The following STARD13 variants were observed in gnomAD, a reference collection of about 807,000 sequenced individuals.
STARD13 encodes the protein stAR-related lipid transfer protein 13.
In STARD13, 62 loss-of-function variants were observed where a neutral mutation model predicts 106.4. The ratio of observed to expected loss-of-function variants is 0.58; its 90% CI spans 0.48 to 0.72. The LOEUF (loss-of-function observed/expected upper bound fraction) is 0.72. Among genes scored for constraint, STARD13 ranks in the 30% least tolerant of loss-of-function variants. The probability of loss-of-function intolerance (pLI) is 0.00; values close to 1 mark genes in which losing one functional copy is unlikely to be tolerated. For missense variants in STARD13, 1,387 were observed against 1,424.0 expected (o/e 0.97, Z 0.42); for synonymous variants, 565 against 553.0 (o/e 1.02, Z -0.31).
At chr13:33,234,526 T>C (rs902601286) in intron 1 of STARD13, among the ~76,000 whole-genome samples, 3 of 152,228 alleles carry the variant, frequency 2.0e-5, no homozygotes, top group African/African-American at 4.8e-5. Flanking sequence ...TCAATGTTCA[T>C]CCACCTTACA....
chr13:33,220,349 T>G (rs1888287187), intron 1 of STARD13, among the ~76,000 whole-genome samples: 1 of 152,214 alleles, frequency 6.6e-6, no homozygotes, highest in Non-Finnish European at 1.5e-5. Context: ...ATCAGCTGGT[T>G]GTAGACAATG....
At chr13:33,626,523 T>C in the STARD13 span, among the ~76,000 whole-genome samples, 2 of 152,124 alleles carry the variant, frequency 1.3e-5, no homozygotes, top group Admixed American at 6.5e-5. Context: ...ACCAAATCAA[T>C]AAAAATGAGC....
intron 1 of STARD13, among the ~76,000 whole-genome samples, chr13:33,219,516 CTCAAAA>C (rs1888225250): frequency 1.2e-5 from 1 of 81,482 alleles, no homozygotes. Flanking sequence ...GAGACTCCTT[CTCAAAA>C]AAAAAAAAAA....
chr13:33,477,795 T>G, the STARD13 span, among the ~76,000 whole-genome samples: 5 of 150,970 alleles, frequency 3.3e-5, no homozygotes, highest in Non-Finnish European at 7.4e-5. Flanking sequence ...AATTATCCAA[T>G]AGAATTTATG....
chr13:33,473,105 A>C, the STARD13 span, among the ~76,000 whole-genome samples: 1 of 152,226 alleles, frequency 6.6e-6, no homozygotes, highest in Non-Finnish European at 1.5e-5. Context: ...TTGTTGATTC[A>C]TCATTTATCA....
intron 1 of STARD13, among the ~76,000 whole-genome samples, chr13:33,264,028 T>C (rs1316324818): frequency 6.6e-6 from 1 of 152,116 alleles, no homozygotes; most frequent in African/African-American, 2.4e-5. Context: ...GCAGTCTCCA[T>C]GTGGGGAAGA....
chr13:33,621,680 C>CAAAA, the STARD13 span, among the ~76,000 whole-genome samples: 1 of 82,328 alleles, frequency 1.2e-5, no homozygotes, highest in African/African-American at 4.8e-5. Context: ...ACTCAGTCTC[C>CAAAA]AAAAAAAAAA....
At chr13:33,295,506 C>T (rs528060407) in intron 1 of STARD13, among the ~76,000 whole-genome samples, 40 of 152,316 alleles carry the variant, frequency 2.6e-4, no homozygotes, top group Admixed American at 8.5e-4. Context: ...ACTCACCTTA[C>T]CATTTCCTTT....
chr13:33,408,536 T>C, the STARD13 span, among the ~76,000 whole-genome samples: 1 of 152,218 alleles, frequency 6.6e-6, no homozygotes, highest in Non-Finnish European at 1.5e-5. Flanking sequence ...CACCACATTT[T>C]CCTTATTCAT....
At chr13:33,278,273 C>A (rs1338941479) in intron 1 of STARD13, 3 of 152,166 alleles carry the variant, frequency 2.0e-5, no homozygotes, top group African/African-American at 4.8e-5. Context: ...AATGACTTAA[C>A]CACAGAAATG....
intron 1 of STARD13, chr13:33,336,158 T>C (rs1328097944): frequency 6.6e-6 from 1 of 152,224 alleles, no homozygotes; most frequent in Non-Finnish European, 1.5e-5. Context: ...CAAGTATGGA[T>C]ACAGGAGGGC....
chr13:33,464,024 C>T, the STARD13 span, among the ~76,000 whole-genome samples: 7 of 112,556 alleles, frequency 6.2e-5, no homozygotes, highest in African/African-American at 5.8e-5. Context: ...AAAAAAAATA[C>T]ATATATATAT....
intron 1 of STARD13, among the ~76,000 whole-genome samples, chr13:33,245,858 C>T (rs1289621826): frequency 2.0e-5 from 3 of 152,152 alleles, no homozygotes; most frequent in Non-Finnish European, 2.9e-5. Flanking sequence ...TCTCCCCCAA[C>T]CTTTTTTGTA....
intron 1 of STARD13, among the ~76,000 whole-genome samples, chr13:33,203,640 T>C (rs1242559255): frequency 6.6e-6 from 1 of 152,196 alleles, no homozygotes; most frequent in Non-Finnish European, 1.5e-5. Flanking sequence ...TGACTAGTCT[T>C]ACACAATGCT....
At chr13:33,616,271 G>A in the STARD13 span, among the ~76,000 whole-genome samples, 11 of 151,744 alleles carry the variant, frequency 7.2e-5, no homozygotes, top group South Asian at 1.3e-3. Flanking sequence ...AGGGGAGCAG[G>A]GAAGGGAAGA....
intron 1 of STARD13, among the ~76,000 whole-genome samples, chr13:33,314,744 A>G (rs1383014639): frequency 6.6e-6 from 1 of 152,216 alleles, no homozygotes; most frequent in South Asian, 2.1e-4. Flanking sequence ...GCCAGAATTC[A>G]AACCCATGTC....
chr13:33,298,599 G>T (rs1240237476), intron 1 of STARD13, among the ~76,000 whole-genome samples: 7 of 151,822 alleles, frequency 4.6e-5, no homozygotes, highest in Non-Finnish European at 7.4e-5. Context: ...AAAAAAAAAG[G>T]TTTATAAGTA....
the STARD13 span, among the ~76,000 whole-genome samples, chr13:33,584,726 G>A: frequency 6.6e-6 from 1 of 151,938 alleles, no homozygotes; most frequent in Non-Finnish European, 1.5e-5. Flanking sequence ...GACTGTCCCT[G>A]TTCCTCATAT....
At chr13:33,213,358 C>T (rs77736732) in intron 1 of STARD13, among the ~76,000 whole-genome samples, 7,215 of 152,214 alleles carry the variant, frequency 0.047, 534 homozygotes, top group African/African-American at 0.16. Context: ...GTCAACCATG[C>T]ACTGGGGAGT....
Sources: allele counts gnomAD v4.1 joint callset (sites outside exome capture counted in the v4.1 genomes callset), GRCh38; gene constraint gnomAD v4.1.1; transcripts MANE v1.5; gene names NCBI Gene and HGNC (gene_info 2026-07-23, HGNC 2026-07-21).